Variants in POLR1A observed in about 807,000 individuals in gnomAD.
POLR1A encodes the protein DNA-directed RNA polymerase I subunit RPA1.
Under a neutral mutation model 205.3 loss-of-function variants are expected in POLR1A, and 84 were observed. That is an observed-to-expected ratio of 0.41 (90% CI 0.34 to 0.49). The LOEUF is 0.49. POLR1A is among the 20% of genes least tolerant of loss of function. POLR1A has a pLI of 0.22. For missense variants in POLR1A, 1,645 were observed against 2,204.5 expected (o/e 0.75, Z 5.08); for synonymous variants, 799 against 863.7 (o/e 0.93, Z 1.31).
intron 24 of POLR1A, among the ~76,000 whole-genome samples, chr2:86,041,298 G>A (rs981398949): frequency 1.3e-5 from 2 of 150,098 alleles, no homozygotes; most frequent in Non-Finnish European, 3.0e-5. Context: ...GTGTGTGTGT[G>A]TGTCTGTCCT....
intron 29 of POLR1A, 100 bp from the exon 30 acceptor site, chr2:86,031,735 G>A: frequency 1.4e-6 from 2 of 1,469,312 alleles, no homozygotes; most frequent in Non-Finnish European, 1.8e-6. Flanking sequence ...TGGCTGGCCT[G>A]GGCTACCTAG....
intron 33 of POLR1A, 26 bp from the exon 34 acceptor site, chr2:86,027,549 C>T: frequency 6.3e-7 from 1 of 1,592,160 alleles, no homozygotes; most frequent in Non-Finnish European, 8.6e-7. Context: ...AAACATGTGT[C>T]AGGGTGTTGA....
rs773050144 is a variant in POLR1A at position 86,027,913 on chromosome 2, G to A, written c.5034C>T (p.Phe1678=). Reference sequence around the variant, plus strand: ...GCATGGTGGCTTGCTTCAGAAACTGGAAGCTGGTTTCAAATGTCATCTGCT... The same window carrying A: ...GCATGGTGGCTTGCTTCAGAAACTGAAAGCTGGTTTCAAATGTCATCTGCT... ...PLQQMTFETS[F]QFLKQATMLG... The change falls in exon 33 of 34, where the codon TTC becomes TTT. Residue 1678 remains phenylalanine (F), a synonymous_variant. Transcript: ENST00000263857. The A allele has an allele frequency of 6.2e-7, 1 of 1,614,230 alleles. No individual in the cohort carries two copies. The highest frequency in any genetic ancestry group is 8.5e-7 in the Non-Finnish European group (1 of 1,180,048).
chr2:86,076,976 C>T (rs1484015800), intron 11 of POLR1A, among the ~76,000 whole-genome samples: 2 of 152,212 alleles, frequency 1.3e-5, no homozygotes, highest in Non-Finnish European at 2.9e-5. Context: ...CAGGACTGGG[C>T]CTTCTCAGAC....
intron 22 of POLR1A, among the ~76,000 whole-genome samples, chr2:86,043,819 C>T (rs1460189449): frequency 6.6e-6 from 1 of 152,156 alleles, no homozygotes; most frequent in Non-Finnish European, 1.5e-5. Flanking sequence ...TGCCTACTTC[C>T]CTGGGTTGCA....
rs776948575 is a variant in POLR1A, at chr2:86,041,894, G to A, written c.3567C>T (p.Leu1189=). ...CAACAAATCACTGTCAATACCTGTC[G>A]AGAGAAAGCTCTGATTTCTCATAAC... ...EKSYEKSELS[L]DRLRTLLQLK... The change falls in exon 24 of 34, where the codon CTC becomes CTT. Residue 1189 remains leucine, a synonymous_variant. Transcript: ENST00000263857. 8 of 1,612,224 alleles carry A rather than the reference G, an allele frequency of 5.0e-6. No individual in the cohort carries two copies. Among genetic ancestry groups the A allele is most frequent in the African/African-American group, 2.7e-5 (2 of 74,906 alleles).
At chr2:86,039,200 C>G (rs1672554318) in intron 26 of POLR1A, 127 bp downstream of exon 26, 1 of 1,034,666 alleles carries the variant, frequency 9.7e-7, no homozygotes, top group South Asian at 1.5e-5. Flanking sequence ...GCAGAGACAG[C>G]TTATCTCTCA....
At position 86,074,661 on chromosome 2, in the gene POLR1A, C is replaced by T. The variant is rs747452244; in HGVS notation, c.1611+369G>A. On this transcript the variant is annotated intron_variant, in intron 12 of 33. Transcript: ENST00000263857. ...TATCACTGGCACAGAGCACTCCCTTCCTAAGAGTGGCTCTCAAACATCAGC... is the reference window on the plus strand; with the variant it reads ...TATCACTGGCACAGAGCACTCCCTTTCTAAGAGTGGCTCTCAAACATCAGC... Among the ~76,000 whole-genome samples, 42 of 152,210 alleles carry T rather than the reference C, an allele frequency of 2.8e-4. 1 individual carries two copies. Among genetic ancestry groups the T allele is most frequent in the Admixed American group, 2.2e-3 (33 of 15,286 alleles).
chr2:86,067,344 A>C (rs752394985), intron 13 of POLR1A, among the ~76,000 whole-genome samples: 1 of 152,166 alleles, frequency 6.6e-6, no homozygotes, highest in Non-Finnish European at 1.5e-5. Flanking sequence ...TGTAACTTGA[A>C]TTTTCTAGCT....
At chr2:86,077,254 T>C (rs1388438217) in intron 11 of POLR1A, among the ~76,000 whole-genome samples, 5 of 151,960 alleles carry the variant, frequency 3.3e-5, no homozygotes, top group Admixed American at 3.3e-4. Context: ...CAGCATGAAG[T>C]GCTAAGGATG....
intron 3 of POLR1A, among the ~76,000 whole-genome samples, chr2:86,098,104 C>T (rs527648858): frequency 1.3e-5 from 2 of 152,140 alleles, no homozygotes; most frequent in Non-Finnish European, 2.9e-5. Flanking sequence ...CTGACATATG[C>T]CTCCTAAAAT....
Position 86,075,037 on chromosome 2 carries a change from G to C in POLR1A, c.1604C>G (p.Thr535Arg). 6.2e-7 allele frequency: 1 copy of C among 1,606,082 alleles called. No homozygotes were observed. Residue 535 changes from threonine (T) to arginine (R), a missense_variant, in exon 12 of 34, where the codon ACA (threonine) becomes AGA (arginine). Physicochemically the swap from Thr to Arg is moderately conservative, Grantham distance 71 (BLOSUM62 -1). Transcript: ENST00000263857. The stretch of plus-strand genomic sequence containing the variant: ...AAAGCTGCCCTTACTCACAATTTTT[G>C]TCCCCTGGGGCTTAGGTGCCCCCGT... ...PATGAPKPQG[T>R]KIVCRHVKNG...
intron 9 of POLR1A, among the ~76,000 whole-genome samples, chr2:86,079,284 T>C (rs974207580): frequency 6.6e-6 from 1 of 152,194 alleles, no homozygotes; most frequent in African/African-American, 2.4e-5. Context: ...ACCTGCATGA[T>C]GACCGGGCCC....
intron 10 of POLR1A, 62 bp downstream of exon 10, chr2:86,078,052 A>T: frequency 1.2e-6 from 2 of 1,612,558 alleles, no homozygotes; most frequent in Non-Finnish European, 1.7e-6. Flanking sequence ...TTCTTGTTTC[A>T]ATACACAATG....
Position 86,022,544 on chromosome 2 carries a change from A to G in POLR1A, c.*4879T>C, listed in dbSNP as rs1690166667. The stretch of plus-strand genomic sequence containing the variant: ...CTCTCTTGAAGATTTTCTAATGCCT[A>G]GGCCACACTCCAGGCCAATAAAATC... On this transcript the variant is annotated 3_prime_UTR_variant, in exon 34 of 34. Transcript: ENST00000263857. 1 of 152,202 alleles carries G rather than the reference A, an allele frequency of 6.6e-6. No homozygotes were observed. Among genetic ancestry groups the G allele is most frequent in the Non-Finnish European group, 1.5e-5 (1 of 68,044 alleles). The allele number at this position is 152,202 out of a possible 1,614,324, so 9.4% of individuals were successfully genotyped here.
Position 86,077,904 on chromosome 2 carries a change from G to A in POLR1A, c.1335C>T (p.Ile445=). ...KRVDYAARSV[I]CPDMYINTNE... is the part of the protein sequence containing the mutation. ...TGGTGTTGATGTACATGTCTGGGCA[G>A]ATGACTGAGCGCGCAGCGTAGTCCA... The change falls in exon 11 of 34, where the codon ATC becomes ATT. Residue 445 remains isoleucine (I), a synonymous_variant. Coordinates refer to ENST00000263857, the MANE Select transcript of POLR1A (RefSeq NM_015425.6). 6.2e-7 allele frequency: 1 copy of A among 1,613,646 alleles called. No individual in the cohort carries two copies. The highest frequency in any genetic ancestry group is 8.5e-7 in the Non-Finnish European group (1 of 1,180,010).
chr2:86,056,585 A>G (rs72934511), intron 14 of POLR1A, among the ~76,000 whole-genome samples: 1,561 of 152,336 alleles, frequency 0.01, 21 homozygotes, highest in African/African-American at 0.035. Flanking sequence ...GATGCCACAT[A>G]TAGGACTTTC....
chr2:86,064,981 G>A (rs536847509), intron 14 of POLR1A, among the ~76,000 whole-genome samples: 9 of 152,152 alleles, frequency 5.9e-5, no homozygotes, highest in African/African-American at 1.7e-4. Flanking sequence ...CACCATGTTA[G>A]CCAGGCTGGT....
rs1421614168 is a variant in POLR1A at position 86,028,139 on chromosome 2, C to G, written c.4898-90G>C. On this transcript the variant is annotated intron_variant, in intron 32 of 33. Transcript: ENST00000263857. This position sits in a 1 kb window ranked among gnomAD's most constrained non-coding sequence, Gnocchi z 4.5. ...AAGCCAAGCTGCCTCCACATCAGCA[C>G]ATGGCTTGGGAGTTAGACTCTGGGG... is the stretch of plus-strand genomic sequence containing the variant. The G allele has an allele frequency of 7.9e-7, 1 of 1,265,928 alleles. No individual in the cohort carries two copies. The highest frequency in any genetic ancestry group is 1.1e-6 in the Non-Finnish European group (1 of 871,612). 78.4% of individuals were successfully genotyped at this position (1,265,928 alleles called of 1,614,324 possible).
Sources: allele counts gnomAD v4.1 joint callset (sites outside exome capture counted in the v4.1 genomes callset), GRCh38; gene constraint gnomAD v4.1.1; non-coding constraint Gnocchi (gnomAD v3.1); transcripts MANE v1.5; gene names NCBI Gene and HGNC (gene_info 2026-07-23, HGNC 2026-07-21).